The following TMEM108 variants were observed in gnomAD, a reference collection of about 807,000 sequenced individuals.
The protein encoded by TMEM108 is cancer/testis antigen 124.
TMEM108 carries 12 observed loss-of-function variants against 35.1 expected under a neutral mutation model. The observed-to-expected ratio is 0.34, with a 90% CI of 0.22 to 0.55. The LOEUF is 0.55. Ranked by LOEUF, TMEM108 falls within the 20% of genes least tolerant of loss-of-function variation. The probability of loss-of-function intolerance (pLI) is 0.89; values close to 1 mark genes in which losing one functional copy is unlikely to be tolerated. For missense variants in TMEM108, 680 were observed against 753.3 expected, an observed-to-expected ratio of 0.90 and a Z score of 1.14; for synonymous variants, 287 against 308.6, an observed-to-expected ratio of 0.93 and a Z score of 0.73.
chr3:133,377,825 G>A (rs1039795476), intron 3 of TMEM108, among the ~76,000 whole-genome samples: 4 of 152,040 alleles, frequency 2.6e-5, no homozygotes, highest in South Asian at 2.1e-4. Context: ...CCGCCAGAGC[G>A]TTACTGCCAG....
At chr3:133,134,119 A>G (rs555398036) in intron 2 of TMEM108, among the ~76,000 whole-genome samples, 2 of 151,800 alleles carry the variant, frequency 1.3e-5, no homozygotes, top group East Asian at 3.9e-4. Flanking sequence ...AGTATAGATT[A>G]TATATATATG....
intron 3 of TMEM108, among the ~76,000 whole-genome samples, chr3:133,234,495 A>G (rs1033999489): frequency 6.6e-6 from 1 of 152,230 alleles, no homozygotes; most frequent in East Asian, 1.9e-4. Flanking sequence ...ACCAAAGACA[A>G]AAACCACATG....
intron 3 of TMEM108, chr3:133,246,455 A>G (rs1349725362): frequency 6.7e-6 from 1 of 149,756 alleles, no homozygotes; most frequent in Non-Finnish European, 1.5e-5. Context: ...TGAAAGTTGA[A>G]TTGTTTTATT....
intron 3 of TMEM108, among the ~76,000 whole-genome samples, chr3:133,255,497 A>G (rs1946532778): frequency 6.6e-6 from 1 of 152,246 alleles, no homozygotes; most frequent in African/African-American, 2.4e-5. Flanking sequence ...TGGAGAAATA[A>G]GAAAGTAAAA....
chr3:133,311,437 TC>T (rs1317105100), intron 3 of TMEM108, among the ~76,000 whole-genome samples: 2 of 152,230 alleles, frequency 1.3e-5, no homozygotes, highest in Admixed American at 6.5e-5. Flanking sequence ...TCTAAACTTG[TC>T]TTCTCAGTTT....
intron 3 of TMEM108, among the ~76,000 whole-genome samples, chr3:133,317,795 T>C (rs191763069): frequency 4.6e-4 from 70 of 152,070 alleles, no homozygotes; most frequent in Admixed American, 1.5e-3. Context: ...ACCGAACAAA[T>C]CCTTCCCCTC....
chr3:133,291,155 A>G lies in TMEM108; in HGVS notation c.40+61804A>G, dbSNP rs1947062637. Among the ~76,000 whole-genome samples, 3 of 152,230 alleles carry G rather than the reference A, an allele frequency of 2.0e-5. No individual in the cohort carries two copies. In the South Asian group the frequency reaches 6.2e-4, roughly 32 times the overall value. On this transcript the variant is annotated intron_variant, in intron 3 of 5. Transcript: ENST00000321871. ...GTTGTTCTAATAGCAATTTAGAACC[A>G]TCAATCAAAACAAGCAGTGGGTTGT...
intron 2 of TMEM108, among the ~76,000 whole-genome samples, chr3:133,115,030 C>G (rs1944270381): frequency 6.6e-6 from 1 of 152,140 alleles, no homozygotes; most frequent in Non-Finnish European, 1.5e-5. Flanking sequence ...AATCAACAAA[C>G]AAGACCCTGA....
intron 4 of TMEM108, among the ~76,000 whole-genome samples, chr3:133,381,875 T>C (rs1452068739): frequency 6.6e-6 from 1 of 152,088 alleles, no homozygotes; most frequent in Non-Finnish European, 1.5e-5. Context: ...CCCCACTTTA[T>C]TTGTTCGTAG....
chr3:133,291,179 G>C (rs1211790510), intron 3 of TMEM108, among the ~76,000 whole-genome samples: 1 of 151,692 alleles, frequency 6.6e-6, no homozygotes, highest in East Asian at 1.9e-4. Flanking sequence ...GCAGTGGGTT[G>C]TTTTCTTTCT....
rs969367772 is a variant in TMEM108, at chr3:133,397,576, G to A, written c.*1590G>A. The A allele has an allele frequency of 1.3e-5, 2 of 152,006 alleles. No homozygotes were observed. Among genetic ancestry groups the A allele is most frequent in the Admixed American group, 1.3e-4 (2 of 15,254 alleles). The allele number at this position is 152,006 out of a possible 1,614,324, so 9.4% of individuals were successfully genotyped here. On this transcript the variant is annotated 3_prime_UTR_variant, in exon 6 of 6. Transcript: ENST00000321871. ...TTTTTAACCTTACCATAATATTTCT[G>A]TTAACTGTTACATTTAATATACCAA... is the stretch of plus-strand genomic sequence containing the variant.
chr3:133,240,571 A>G (rs1277710895), intron 3 of TMEM108, among the ~76,000 whole-genome samples: 1 of 152,232 alleles, frequency 6.6e-6, no homozygotes, highest in Admixed American at 6.5e-5. Context: ...ATTTATGTAA[A>G]TTCAAATGTT....
At chr3:133,159,376 CTCTT>C (rs1250571482) in intron 2 of TMEM108, among the ~76,000 whole-genome samples, 1 of 152,156 alleles carries the variant, frequency 6.6e-6, no homozygotes, top group Non-Finnish European at 1.5e-5. Context: ...CTGTGCATTT[CTCTT>C]TCTTCTCTTT....
chr3:133,078,534 A>AG (rs1243022399), intron 2 of TMEM108, among the ~76,000 whole-genome samples: 1 of 152,162 alleles, frequency 6.6e-6, no homozygotes, highest in Non-Finnish European at 1.5e-5. Flanking sequence ...ACAAGTTACA[A>AG]GGCTGTAACC....
intron 3 of TMEM108, among the ~76,000 whole-genome samples, chr3:133,267,981 C>G (rs1013410130): frequency 1.3e-5 from 2 of 152,126 alleles, no homozygotes; most frequent in Admixed American, 1.3e-4. Flanking sequence ...CACAAAGGCA[C>G]GAAACAGGGA....
intron 3 of TMEM108, among the ~76,000 whole-genome samples, chr3:133,319,243 T>C (rs2071235814): frequency 6.6e-6 from 1 of 152,192 alleles, no homozygotes; most frequent in African/African-American, 2.4e-5. Flanking sequence ...CCTGATGATT[T>C]TTCTCTACCT....
chr3:133,326,313 G>C (rs556531726), intron 3 of TMEM108, among the ~76,000 whole-genome samples: 1 of 152,222 alleles, frequency 6.6e-6, no homozygotes, highest in African/African-American at 2.4e-5. Context: ...GCTCACTGTA[G>C]ACTCTCCTAT....
intron 2 of TMEM108, among the ~76,000 whole-genome samples, chr3:133,051,005 T>G (rs1576292283): frequency 1.3e-5 from 2 of 151,802 alleles, no homozygotes; most frequent in African/African-American, 4.8e-5. Flanking sequence ...GGACATAAAT[T>G]TTTAACTCCT....
chr3:133,070,773 A>G (rs201024104), intron 2 of TMEM108, among the ~76,000 whole-genome samples: 33 of 88,614 alleles, frequency 3.7e-4, no homozygotes, highest in African/African-American at 1.0e-3. Flanking sequence ...GTGTGTGTGT[A>G]TCTGTGTGTG....
Sources: gnomAD v4.1 joint callset for allele counts (sites outside exome capture counted in the v4.1 genomes callset) on GRCh38, gnomAD v4.1.1 for gene constraint, MANE v1.5 for transcripts, NCBI Gene and HGNC (gene_info 2026-07-23, HGNC 2026-07-21) for gene names.